The following LPAR1 variants were observed in gnomAD, a reference collection of about 807,000 sequenced individuals.
LPAR1 encodes the protein LPA receptor 1.
A neutral mutation model predicts 23.8 loss-of-function variants in LPAR1; 5 were observed. That is an observed-to-expected ratio of 0.21 (90% CI 0.11 to 0.44). LPAR1 has a LOEUF of 0.44. Ranked by LOEUF, LPAR1 falls within the 20% of genes least tolerant of loss-of-function variation. The pLI is 0.99. For synonymous variants in LPAR1, 160 were observed against 164.7 expected, an observed-to-expected ratio of 0.97 and a Z score of 0.22; for missense variants, 311 against 482.8, an observed-to-expected ratio of 0.64 and a Z score of 3.33.
At chr9:110,917,220 A>G (rs1181496232) in intron 5 of LPAR1, among the ~76,000 whole-genome samples, 1 of 151,584 alleles carries the variant, frequency 6.6e-6, no homozygotes, top group Non-Finnish European at 1.5e-5. Context: ...ATGGTGGTAC[A>G]TGCCTGTAAT....
intron 5 of LPAR1, among the ~76,000 whole-genome samples, chr9:110,917,412 A>G (rs2093257476): frequency 6.6e-6 from 1 of 152,158 alleles, no homozygotes; most frequent in Non-Finnish European, 1.5e-5. Context: ...GTTTTTAATA[A>G]GACTAAGAAA....
At chr9:110,898,913 G>C (rs568906649) in intron 5 of LPAR1, among the ~76,000 whole-genome samples, 1 of 151,912 alleles carries the variant, frequency 6.6e-6, no homozygotes, top group African/African-American at 2.4e-5. Context: ...TTCGTGCAAA[G>C]AAAAAAAATG....
intron 3 of LPAR1, among the ~76,000 whole-genome samples, chr9:110,973,008 G>A (rs1027084112): frequency 5.9e-5 from 9 of 152,052 alleles, no homozygotes; most frequent in Non-Finnish European, 1.3e-4. Flanking sequence ...GTATATAACA[G>A]AGACAGCTAC....
At chr9:110,879,800 G>A (rs1419669508) in intron 5 of LPAR1, among the ~76,000 whole-genome samples, 1 of 152,202 alleles carries the variant, frequency 6.6e-6, no homozygotes, top group Non-Finnish European at 1.5e-5. Flanking sequence ...ACTGGGAAGA[G>A]ATATAGAAGG....
At chr9:110,876,609 T>C (rs1339824038) in intron 5 of LPAR1, among the ~76,000 whole-genome samples, 1 of 152,252 alleles carries the variant, frequency 6.6e-6, no homozygotes, top group Non-Finnish European at 1.5e-5. Context: ...TCTTAGAGGC[T>C]GCCTCCAGAG....
At chr9:110,920,796 G>A (rs1426742647) in intron 5 of LPAR1, among the ~76,000 whole-genome samples, 1 of 152,080 alleles carries the variant, frequency 6.6e-6, no homozygotes, top group Non-Finnish European at 1.5e-5. Flanking sequence ...AATCATCACA[G>A]ATAATATGTC....
chr9:110,921,179 T>A (rs1036103539), intron 5 of LPAR1, among the ~76,000 whole-genome samples: 7 of 151,988 alleles, frequency 4.6e-5, no homozygotes, highest in Non-Finnish European at 1.0e-4. Flanking sequence ...CAGGGTGAGG[T>A]AGGACGATGG....
intron 5 of LPAR1, among the ~76,000 whole-genome samples, chr9:110,907,915 A>AC (rs1564432105): frequency 4.6e-5 from 6 of 130,956 alleles, no homozygotes; most frequent in South Asian, 2.6e-4. Context: ...ACCTTTGACA[A>AC]AACACACACA....
chr9:111,034,879 TCTCA>T (rs1381327376), intron 2 of LPAR1, among the ~76,000 whole-genome samples: 2 of 152,054 alleles, frequency 1.3e-5, no homozygotes, highest in Admixed American at 6.5e-5. Flanking sequence ...CACCCCACAC[TCTCA>T]CTTTGTCTTC....
chr9:110,955,034 T>C (rs1264023139), intron 4 of LPAR1, among the ~76,000 whole-genome samples: 1 of 152,054 alleles, frequency 6.6e-6, no homozygotes, highest in Non-Finnish European at 1.5e-5. Context: ...AAAGGATACA[T>C]GAAACAACCA....
At chr9:110,966,765 T>C (rs1489028781) in intron 4 of LPAR1, among the ~76,000 whole-genome samples, 1 of 152,164 alleles carries the variant, frequency 6.6e-6, no homozygotes. Context: ...GAGACCTGAA[T>C]ATCTTTTAGG....
intron 5 of LPAR1, among the ~76,000 whole-genome samples, chr9:110,936,612 G>A (rs947665114): frequency 6.6e-6 from 1 of 152,342 alleles, no homozygotes; most frequent in Admixed American, 6.5e-5. Context: ...ACTGACCCTA[G>A]TACAGAGAAT....
intron 2 of LPAR1, among the ~76,000 whole-genome samples, chr9:110,981,805 T>G (rs2096672876): frequency 6.6e-6 from 1 of 152,036 alleles, no homozygotes; most frequent in South Asian, 2.1e-4. Flanking sequence ...CATCAAAAAG[T>G]AGGCAAAGGA....
At chr9:110,978,905 A>G (rs2096612864) in intron 2 of LPAR1, among the ~76,000 whole-genome samples, 1 of 152,174 alleles carries the variant, frequency 6.6e-6, no homozygotes, top group South Asian at 2.1e-4. Context: ...GGTGGTTACC[A>G]AAGGCTGGGG....
chr9:110,990,401 T>C (rs150154162), intron 2 of LPAR1, among the ~76,000 whole-genome samples: 1 of 152,282 alleles, frequency 6.6e-6, no homozygotes, highest in African/African-American at 2.4e-5. Context: ...AAGTCTGTTC[T>C]CTGACCACAC....
At chr9:110,975,354 A>C (rs1245759758) in intron 2 of LPAR1, among the ~76,000 whole-genome samples, 4 of 152,218 alleles carry the variant, frequency 2.6e-5, no homozygotes, top group African/African-American at 9.6e-5. Flanking sequence ...GGATTTCATG[A>C]AAGGCCACTG....
At chr9:111,006,661 T>C (rs897504676) in intron 2 of LPAR1, among the ~76,000 whole-genome samples, 1 of 152,176 alleles carries the variant, frequency 6.6e-6, no homozygotes, top group Non-Finnish European at 1.5e-5. Context: ...CACAGGGGTA[T>C]AAGGTATAAA....
rs1338637964 is a variant in LPAR1, at chr9:110,892,758, GGGGAGGAAGGGAAGGAA to G, written c.794-17053_794-17037del. 1.1e-3 allele frequency among the ~76,000 whole-genome samples: 159 copies of G among 140,596 alleles called. 2 individuals carry two copies. The highest frequency in any genetic ancestry group is 0.011 in the Middle Eastern group (3 of 272). The allele number at this position is 140,596 out of a possible 152,430, so 92.2% of individuals were successfully genotyped here. A position where few individuals can be genotyped will look rare whatever the true frequency, so the allele number is the denominator to read the frequency against. ...AAGGGAAGGAAGAGGGAGGGAGGAA[GGGGAGGAAGGGAAGGAA>G]GGAAGGAAGGAAGGAAGGAAGGAAG... On this transcript the variant is annotated intron_variant, in intron 5 of 5. Coordinates refer to ENST00000683809, the MANE Select transcript of LPAR1 (RefSeq NM_001351411.2).
At chr9:110,903,934 C>G (rs1275541596) in intron 5 of LPAR1, among the ~76,000 whole-genome samples, 2 of 130,166 alleles carry the variant, frequency 1.5e-5, no homozygotes, top group Non-Finnish European at 3.2e-5. Flanking sequence ...AGCAACAACA[C>G]ATTACCTATT....
Sources: gnomAD v4.1 joint callset for allele counts (sites outside exome capture counted in the v4.1 genomes callset) on GRCh38, gnomAD v4.1.1 for gene constraint, MANE v1.5 for transcripts, NCBI Gene and HGNC (gene_info 2026-07-23, HGNC 2026-07-21) for gene names.